Variants in WWOX observed in about 807,000 individuals in gnomAD.
WWOX encodes WW domain containing oxidoreductase.
Under a neutral mutation model 46.2 loss-of-function variants are expected in WWOX, and 69 were observed. The ratio of observed to expected loss-of-function variants is 1.49; its 90% CI spans 1.23 to 1.82. The LOEUF is 1.82. WWOX is among the 40% of genes most tolerant of loss of function. The probability of loss-of-function intolerance (pLI) is 0.00; values close to 1 mark genes in which losing one functional copy is unlikely to be tolerated. For synonymous variants in WWOX, 359 were observed against 202.6 expected (o/e 1.77, Z -6.56); for missense variants, 919 against 542.6 (o/e 1.69, Z -6.89).
At chr16:79,155,329 T>A (rs1020892446) in intron 8 of WWOX, among the ~76,000 whole-genome samples, 1 of 151,968 alleles carries the variant, frequency 6.6e-6, no homozygotes, top group Non-Finnish European at 1.5e-5. Context: ...TGAGCTGAGA[T>A]CACGCCATTG....
chr16:78,269,932 T>TTTTTTTA (rs2079441517), intron 5 of WWOX, among the ~76,000 whole-genome samples: 1 of 149,984 alleles, frequency 6.7e-6, no homozygotes, highest in African/African-American at 2.5e-5. Context: ...TTTTTTTTTT[T>TTTTTTTA]ACTTTCACCA....
At chr16:78,856,988 G>A (rs72802819) in intron 8 of WWOX, among the ~76,000 whole-genome samples, 9,929 of 152,182 alleles carry the variant, frequency 0.065, 398 homozygotes, top group Middle Eastern at 0.095. Context: ...GAATACTGTA[G>A]GCAATTTTAA....
intron 8 of WWOX, among the ~76,000 whole-genome samples, chr16:78,765,812 T>C (rs922812940): frequency 2.0e-5 from 3 of 152,294 alleles, no homozygotes; most frequent in East Asian, 3.9e-4. Context: ...CTCATCGCAC[T>C]ATTTCTGTCC....
intron 8 of WWOX, among the ~76,000 whole-genome samples, chr16:78,903,144 G>C (rs2044871674): frequency 6.6e-6 from 1 of 152,198 alleles, no homozygotes; most frequent in Admixed American, 6.5e-5. Context: ...GCCCTGGATA[G>C]AGAATCTTCT....
At chr16:78,587,429 A>C (rs1472966746) in intron 8 of WWOX, among the ~76,000 whole-genome samples, 1 of 152,110 alleles carries the variant, frequency 6.6e-6, no homozygotes, top group East Asian at 1.9e-4. Flanking sequence ...ACAATTCAGC[A>C]ACTCTCTTAC....
intron 5 of WWOX, among the ~76,000 whole-genome samples, chr16:78,252,693 T>G (rs2038016954): frequency 6.6e-6 from 1 of 152,230 alleles, no homozygotes; most frequent in African/African-American, 2.4e-5. Context: ...GACGAGCTTT[T>G]ATTGTTTTAG....
intron 8 of WWOX, among the ~76,000 whole-genome samples, chr16:79,136,069 T>C (rs1339186052): frequency 1.3e-5 from 2 of 152,216 alleles, no homozygotes; most frequent in Non-Finnish European, 2.9e-5. Flanking sequence ...ATACTCTGAA[T>C]GCACAGTGAA....
chr16:79,064,730 G>C (rs2048412220), intron 8 of WWOX, among the ~76,000 whole-genome samples: 1 of 152,218 alleles, frequency 6.6e-6, no homozygotes, highest in Admixed American at 6.5e-5. Context: ...TACAATTCAT[G>C]GGCTACTATT....
chr16:78,979,136 G>A (rs571658727), intron 8 of WWOX, among the ~76,000 whole-genome samples: 15 of 143,340 alleles, frequency 1.0e-4, no homozygotes, highest in African/African-American at 3.2e-4. Flanking sequence ...TTTTCCTCTC[G>A]AATATCACTT....
chr16:78,392,576 A>G lies in WWOX; in HGVS notation c.605+5628A>G, dbSNP rs77417020. 2.2e-3 allele frequency among the ~76,000 whole-genome samples: 342 copies of G among 152,202 alleles called. 4 individuals are homozygous for G. Among genetic ancestry groups the G allele is most frequent in the African/African-American group, 7.8e-3 (325 of 41,550 alleles). ...TCCAGAAAACCACTTGCTGGTGCCA[A>G]AAAAATTTGGAAACCTCTGCTCTAG... On this transcript the variant is annotated intron_variant, in intron 6 of 8. Coordinates refer to ENST00000566780, the MANE Select transcript of WWOX (RefSeq NM_016373.4).
chr16:79,148,419 C>T (rs187718476), intron 8 of WWOX, among the ~76,000 whole-genome samples: 150 of 152,228 alleles, frequency 9.9e-4, no homozygotes, highest in Non-Finnish European at 1.5e-3. Flanking sequence ...TTCCACTGAT[C>T]TATGTGTCTG....
rs2044853288 is a variant in WWOX at position 78,902,432 on chromosome 16, G to T, written c.1057-309176G>T. Among the ~76,000 whole-genome samples the T allele has an allele frequency of 2.0e-5, 3 of 152,260 alleles. No homozygotes were observed. The South Asian group carries it at 6.2e-4, about 31-fold the overall frequency. ...CTCTTGTATCCAGCAGCGCCACGCG[G>T]GGCGGGCGGGAGAGGCAAGGCTAAG... On this transcript the variant is annotated intron_variant, in intron 8 of 8. Coordinates refer to ENST00000566780, the MANE Select transcript of WWOX (RefSeq NM_016373.4).
intron 5 of WWOX, among the ~76,000 whole-genome samples, chr16:78,249,968 A>G (rs1044195640): frequency 5.3e-5 from 8 of 152,180 alleles, no homozygotes; most frequent in Non-Finnish European, 7.4e-5. Context: ...GGCTGAGGCC[A>G]GGTCCCCAGT....
intron 8 of WWOX, among the ~76,000 whole-genome samples, chr16:78,574,635 C>T (rs1307982703): frequency 6.6e-6 from 1 of 151,828 alleles, no homozygotes; most frequent in Non-Finnish European, 1.5e-5. Flanking sequence ...ATATGTGAAC[C>T]ACATTTTTAA....
chr16:79,058,110 A>AC (rs1555520225), intron 8 of WWOX, among the ~76,000 whole-genome samples: 3 of 93,540 alleles, frequency 3.2e-5, no homozygotes, highest in Admixed American at 2.1e-4. Context: ...CTTACTTAAA[A>AC]AAAAAAAAAA....
chr16:79,069,149 G>T (rs916764716), intron 8 of WWOX, among the ~76,000 whole-genome samples: 2 of 152,204 alleles, frequency 1.3e-5, no homozygotes, highest in Non-Finnish European at 2.9e-5. Flanking sequence ...TGGGCCCTGC[G>T]CTGCGCTTGG....
intron 8 of WWOX, among the ~76,000 whole-genome samples, chr16:78,907,664 C>A (rs1394588216): frequency 6.6e-6 from 1 of 152,150 alleles, no homozygotes; most frequent in Non-Finnish European, 1.5e-5. Flanking sequence ...ACAATTTTTG[C>A]AAAGGCAGTT....
At chr16:78,767,985 G>A (rs1292223777) in intron 8 of WWOX, among the ~76,000 whole-genome samples, 4 of 152,098 alleles carry the variant, frequency 2.6e-5, no homozygotes, top group Non-Finnish European at 5.9e-5. Context: ...CTGTTTAGAA[G>A]TTGAGGTAAA....
At chr16:78,846,372 T>A (rs2052299062) in intron 8 of WWOX, among the ~76,000 whole-genome samples, 1 of 152,198 alleles carries the variant, frequency 6.6e-6, no homozygotes, top group Non-Finnish European at 1.5e-5. Flanking sequence ...AGATACCACC[T>A]GGCATTTATT....
Sources: allele counts gnomAD v4.1 joint callset (sites outside exome capture counted in the v4.1 genomes callset), GRCh38; gene constraint gnomAD v4.1.1; transcripts MANE v1.5; gene names NCBI Gene and HGNC (gene_info 2026-07-23, HGNC 2026-07-21).